The following WAPL variants were observed in gnomAD, a reference collection of about 807,000 sequenced individuals.
WAPL encodes the protein WAPL cohesin release factor.
Under a neutral mutation model 121.0 loss-of-function variants are expected in WAPL, and 5 were observed. That is an observed-to-expected ratio of 0.04 (90% CI 0.02 to 0.09). WAPL has a LOEUF of 0.09. Ranked by LOEUF, WAPL falls within the 10% of genes least tolerant of loss-of-function variation. WAPL has a pLI of 1.00. For synonymous variants in WAPL, 480 were observed against 481.5 expected (o/e 1.00, Z 0.04); for missense variants, 999 against 1,410.8 (o/e 0.71, Z 4.68).
At chr10:86,518,669 T>C (rs981759951) in intron 1 of WAPL, among the ~76,000 whole-genome samples, 12 of 152,218 alleles carry the variant, frequency 7.9e-5, no homozygotes, top group African/African-American at 2.9e-4. Context: ...TGATAACCTG[T>C]ATAGGGTAAT....
rs761768393 is a variant in WAPL at position 86,452,020 on chromosome 10, C to A, written c.3061G>T (p.Asp1021Tyr). 3 of 1,614,160 alleles carry A rather than the reference C, an allele frequency of 1.9e-6. No homozygotes were observed. Among genetic ancestry groups the A allele is most frequent in the South Asian group, 2.2e-5 (2 of 91,078 alleles). ...TGTCCACCTATCCTTAAACTATCAT[C>A]CCCTTCTCCACTACAGATGGAAGAA... ...FDSSICSGEG[D>Y]DSLRIGGQVH... Residue 1021 changes from aspartate to tyrosine, a missense_variant, in exon 15 of 19, where the codon GAT (aspartate) becomes TAT (tyrosine). By Grantham distance (160) the Asp-to-Tyr change is radical. Around this residue, in one of 7 missense-constraint regions of WAPL, gnomAD observed 126 missense variants for 144.0 expected, o/e 0.87. Transcript: ENST00000298767.
intron 2 of WAPL, among the ~76,000 whole-genome samples, chr10:86,509,496 C>G (rs997800747): frequency 1.3e-5 from 2 of 152,170 alleles, no homozygotes; most frequent in African/African-American, 4.8e-5. Flanking sequence ...TGCTACACTC[C>G]CGCACCACTC....
intron 17 of WAPL, among the ~76,000 whole-genome samples, chr10:86,441,003 T>C (rs1018315561): frequency 1.1e-4 from 16 of 152,142 alleles, no homozygotes; most frequent in Middle Eastern, 3.4e-3. Context: ...AGCCATTCAT[T>C]TATCATTAAC....
rs533204485 is a variant in WAPL, at chr10:86,492,617, T to G, written c.1644+4584A>C. Among the ~76,000 whole-genome samples, 9 of 152,284 alleles carry G rather than the reference T, an allele frequency of 5.9e-5. No individual in the cohort carries two copies. The South Asian group carries it at 1.9e-3, about 32-fold the overall frequency. On this transcript the variant is annotated intron_variant, in intron 4 of 18. Transcript: ENST00000298767. ...CCCCACCGCCCCCCACCAAAAAGTCTAACCTGAATTTAATCAAACTTCCAG... is the reference window on the plus strand; with the variant it reads ...CCCCACCGCCCCCCACCAAAAAGTCGAACCTGAATTTAATCAAACTTCCAG...
chr10:86,484,226 T>C (rs1841875350), intron 4 of WAPL, among the ~76,000 whole-genome samples: 1 of 152,208 alleles, frequency 6.6e-6, no homozygotes, highest in African/African-American at 2.4e-5. Flanking sequence ...TTGGCCACAG[T>C]GCCTCACGTC....
intron 4 of WAPL, among the ~76,000 whole-genome samples, chr10:86,475,393 C>G (rs1450489324): frequency 2.6e-5 from 4 of 152,224 alleles, no homozygotes; most frequent in Admixed American, 6.5e-5. Context: ...AGTGGAAAAT[C>G]ATACTTCAAG....
At chr10:86,483,794 C>CCT (rs1841858067) in intron 4 of WAPL, among the ~76,000 whole-genome samples, 1 of 69,180 alleles carries the variant, frequency 1.4e-5, no homozygotes, top group Non-Finnish European at 2.5e-5. Flanking sequence ...ATTTTTTTTT[C>CCT]TTTTTTTTTT....
intron 17 of WAPL, among the ~76,000 whole-genome samples, chr10:86,440,765 G>T (rs1018524621): frequency 2.6e-5 from 4 of 151,718 alleles, no homozygotes; most frequent in African/African-American, 4.8e-5. Flanking sequence ...GAAATCGGCG[G>T]TACCCAGAGG....
At chr10:86,453,577 G>A in intron 13 of WAPL, 79 bp downstream of exon 13, 1 of 1,473,120 alleles carries the variant, frequency 6.8e-7, no homozygotes. Context: ...ACTACCCCAG[G>A]AAAAGGAGAA....
chr10:86,459,202 C>T (rs191829461), intron 11 of WAPL, 137 bp from the exon 12 acceptor site: 1 of 628,406 alleles, frequency 1.6e-6, no homozygotes, highest in Non-Finnish European at 2.7e-6. Flanking sequence ...AATAATTTCA[C>T]AACCTACAGG....
In WAPL at chr10:86,499,538, G is replaced by A. The variant is rs367923762; in HGVS notation, c.1525+180C>T. Reference sequence around the variant, plus strand: ...AAGAGATTAGCAATGACTAAGAATAGAACAATGATTTTAACAATACGCTAT... The same window carrying A: ...AAGAGATTAGCAATGACTAAGAATAAAACAATGATTTTAACAATACGCTAT... On this transcript the variant is annotated intron_variant, in intron 3 of 18. Coordinates refer to ENST00000298767, the MANE Select transcript of WAPL (RefSeq NM_015045.5). Among the ~76,000 whole-genome samples, 151 of 152,222 alleles carry A rather than the reference G, an allele frequency of 9.9e-4. 1 individual carries two copies. Among genetic ancestry groups the A allele is most frequent in the African/African-American group, 3.5e-3 (144 of 41,548 alleles).
At chr10:86,441,274 A>C (rs374051623) in intron 17 of WAPL, among the ~76,000 whole-genome samples, 2 of 152,132 alleles carry the variant, frequency 1.3e-5, no homozygotes, top group African/African-American at 2.4e-5. Context: ...TTTACCCTTC[A>C]TATTTGTTTT....
chr10:86,446,267 C>T lies in WAPL; in HGVS notation c.3297G>A (p.Glu1099=), dbSNP rs1849615675. 1 of 1,613,508 alleles carries T rather than the reference C, an allele frequency of 6.2e-7. No individual in the cohort carries two copies. Among genetic ancestry groups the T allele is most frequent in the Non-Finnish European group, 8.5e-7 (1 of 1,179,654 alleles). Residue 1099 remains glutamate, a synonymous_variant, in exon 16 of 19, where the codon GAG becomes GAA. Transcript: ENST00000298767. ...CTTTATTGAGGTCAAGTTCTTCATC[C>T]TCCTCCTCCTTCTTATGTTTCTCTT... The part of the protein sequence containing the change: ...GTEEKHKKEE[E]DEELDLNKAL...
chr10:86,482,076 G>A (rs777593805), intron 4 of WAPL, among the ~76,000 whole-genome samples: 9 of 152,174 alleles, frequency 5.9e-5, no homozygotes, highest in Non-Finnish European at 1.2e-4. Context: ...GGGTGGAGTA[G>A]GGCAAGGGCA....
At chr10:86,480,731 C>T (rs920046252) in intron 4 of WAPL, among the ~76,000 whole-genome samples, 3 of 152,228 alleles carry the variant, frequency 2.0e-5, no homozygotes, top group Admixed American at 1.3e-4. Flanking sequence ...GATTTCTCAA[C>T]ATCTTGATGC....
chr10:86,492,917 C>T (rs1400705365), intron 4 of WAPL, among the ~76,000 whole-genome samples: 1 of 151,930 alleles, frequency 6.6e-6, no homozygotes, highest in Non-Finnish European at 1.5e-5. Context: ...CAAAATTAGC[C>T]GGGTGTGGTG....
At chr10:86,486,068 A>G (rs1485159149) in intron 4 of WAPL, among the ~76,000 whole-genome samples, 2 of 152,288 alleles carry the variant, frequency 1.3e-5, no homozygotes, top group Non-Finnish European at 2.9e-5. Context: ...CACCAATCCA[A>G]TTGCTACAGT....
chr10:86,441,126 C>T (rs567476653), intron 17 of WAPL, among the ~76,000 whole-genome samples: 9 of 152,134 alleles, frequency 5.9e-5, no homozygotes, highest in Non-Finnish European at 1.3e-4. Context: ...TGCCCTTGCT[C>T]CTAGAAAACA....
intron 1 of WAPL, among the ~76,000 whole-genome samples, chr10:86,520,685 T>C (rs1342209211): frequency 1.3e-5 from 2 of 151,262 alleles, no homozygotes; most frequent in Admixed American, 1.3e-4. Context: ...AAAGAATGAT[T>C]GACGACTAAG....
Sources: allele counts gnomAD v4.1 joint callset (sites outside exome capture counted in the v4.1 genomes callset), GRCh38; gene constraint gnomAD v4.1.1; regional missense constraint gnomAD v4.1.1; transcripts MANE v1.5; gene names NCBI Gene and HGNC (gene_info 2026-07-23, HGNC 2026-07-21).